Variants in FER observed in about 807,000 individuals in gnomAD.
FER encodes tyrosine-protein kinase Fer.
In FER, 63 loss-of-function variants were observed where a neutral mutation model predicts 111.0. That is an observed-to-expected ratio of 0.57 (90% CI 0.46 to 0.70). The LOEUF is 0.70. Among genes scored for constraint, FER ranks in the 30% least tolerant of loss-of-function variants. FER has a pLI of 0.00. For missense variants in FER, 914 were observed against 954.0 expected (o/e 0.96, Z 0.55); for synonymous variants, 327 against 313.9 (o/e 1.04, Z -0.44).
chr5:108,750,127 A>G (rs997667620), intron 1 of FER, among the ~76,000 whole-genome samples: 2 of 152,246 alleles, frequency 1.3e-5, no homozygotes, highest in Non-Finnish European at 2.9e-5. Flanking sequence ...TTCTCCAGAT[A>G]TGTTAAGATA....
At chr5:108,884,403 T>C (rs1160277742) in intron 9 of FER, among the ~76,000 whole-genome samples, 1 of 150,956 alleles carries the variant, frequency 6.6e-6, no homozygotes, top group African/African-American at 2.5e-5. Context: ...ATGACATTTT[T>C]CTTCTTTTCT....
At chr5:109,062,408 C>G (rs932918527) in intron 16 of FER, among the ~76,000 whole-genome samples, 11 of 152,180 alleles carry the variant, frequency 7.2e-5, no homozygotes, top group African/African-American at 2.4e-4. Flanking sequence ...CACCTGTAAT[C>G]TCAGTTACTT....
intron 17 of FER, among the ~76,000 whole-genome samples, chr5:109,136,077 G>A (rs913764491): frequency 1.3e-4 from 19 of 151,260 alleles, no homozygotes; most frequent in African/African-American, 3.9e-4. Context: ...GCAACATGGC[G>A]AAACCCTGTT....
intron 6 of FER, among the ~76,000 whole-genome samples, chr5:108,870,323 C>G (rs1463302984): frequency 6.6e-6 from 1 of 152,044 alleles, no homozygotes; most frequent in African/African-American, 2.4e-5. Context: ...ATGATCTCCA[C>G]ATTACACCTA....
At chr5:109,086,228 AT>A (rs1188842540) in intron 16 of FER, among the ~76,000 whole-genome samples, 1 of 151,568 alleles carries the variant, frequency 6.6e-6, no homozygotes, top group East Asian at 1.9e-4. Flanking sequence ...GGCTATTTAA[AT>A]TTTTTTATTT....
At chr5:108,951,727 G>A (rs1252493082) in intron 11 of FER, among the ~76,000 whole-genome samples, 9 of 151,960 alleles carry the variant, frequency 5.9e-5, no homozygotes, top group Admixed American at 4.6e-4. Flanking sequence ...TTCTTGTTTT[G>A]CTTTTTTCAA....
intron 10 of FER, among the ~76,000 whole-genome samples, chr5:108,936,270 A>G (rs984340956): frequency 7.2e-5 from 11 of 152,110 alleles, no homozygotes; most frequent in African/African-American, 2.7e-4. Context: ...TACAATTTTA[A>G]TAACAGTGGC....
At chr5:108,767,129 C>A (rs1282309198) in intron 1 of FER, among the ~76,000 whole-genome samples, 1 of 152,042 alleles carries the variant, frequency 6.6e-6, no homozygotes. Context: ...CATGGTGAAA[C>A]CCTGTCTGTA....
intron 16 of FER, among the ~76,000 whole-genome samples, chr5:109,097,770 C>T (rs772169204): frequency 4.0e-5 from 6 of 151,738 alleles, no homozygotes; most frequent in Non-Finnish European, 8.8e-5. Flanking sequence ...CATATTCTGC[C>T]TCCTGGGGAG....
chr5:109,079,607 ATGT>A (rs1776755419), intron 16 of FER, among the ~76,000 whole-genome samples: 1 of 152,116 alleles, frequency 6.6e-6, no homozygotes, highest in African/African-American at 2.4e-5. Flanking sequence ...AATCATACTA[ATGT>A]TGTTCTGGTT....
chr5:109,179,769 A>C (rs1371602845), intron 17 of FER, among the ~76,000 whole-genome samples: 1 of 151,270 alleles, frequency 6.6e-6, no homozygotes, highest in African/African-American at 2.4e-5. Context: ...GATCATGTGC[A>C]TATGCAAATC....
intron 16 of FER, among the ~76,000 whole-genome samples, chr5:109,073,879 G>A (rs1388339188): frequency 6.6e-6 from 1 of 152,052 alleles, no homozygotes; most frequent in Non-Finnish European, 1.5e-5. Context: ...GTAACAAATT[G>A]TTAAACTCTT....
intron 13 of FER, among the ~76,000 whole-genome samples, chr5:108,963,574 A>G (rs565865705): frequency 1.3e-5 from 2 of 152,316 alleles, no homozygotes; most frequent in East Asian, 3.9e-4. Context: ...AAAACAAAAC[A>G]AAACAAAAAA....
chr5:108,887,851 C>T (rs1302705412), intron 9 of FER, among the ~76,000 whole-genome samples: 1 of 151,690 alleles, frequency 6.6e-6, no homozygotes, highest in East Asian at 1.9e-4. Flanking sequence ...AAGCATATGT[C>T]ATTTATGACT....
intron 13 of FER, among the ~76,000 whole-genome samples, chr5:108,965,585 A>G (rs1759703731): frequency 6.6e-6 from 1 of 152,172 alleles, no homozygotes; most frequent in Non-Finnish European, 1.5e-5. Flanking sequence ...TTAGGTAAGG[A>G]AACTCAGACA....
chr5:109,158,513 C>T (rs1428391616), intron 17 of FER, among the ~76,000 whole-genome samples: 1 of 151,978 alleles, frequency 6.6e-6, no homozygotes, highest in Non-Finnish European at 1.5e-5. Context: ...TTAAGAATAC[C>T]AATCTTCTCC....
At chr5:109,073,761 A>G (rs1022840877) in intron 16 of FER, among the ~76,000 whole-genome samples, 2 of 152,122 alleles carry the variant, frequency 1.3e-5, no homozygotes, top group Non-Finnish European at 2.9e-5. Flanking sequence ...GAACCCACTT[A>G]CATGAAAAGT....
intron 2 of FER, among the ~76,000 whole-genome samples, chr5:108,773,759 A>C (rs2149975116): frequency 6.6e-6 from 1 of 152,226 alleles, no homozygotes; most frequent in South Asian, 2.1e-4. Context: ...TAGGTCTTTG[A>C]GGAATCGCCA....
At chr5:108,885,017 AC>A (rs1451981854) in intron 9 of FER, among the ~76,000 whole-genome samples, 1 of 151,780 alleles carries the variant, frequency 6.6e-6, no homozygotes, top group Non-Finnish European at 1.5e-5. Context: ...TCCTTTGCAA[AC>A]CCATTCTCTT....
Sources: allele counts gnomAD v4.1 joint callset (sites outside exome capture counted in the v4.1 genomes callset), GRCh38; gene constraint gnomAD v4.1.1; transcripts MANE v1.5; gene names NCBI Gene and HGNC (gene_info 2026-07-23, HGNC 2026-07-21).